The following CCDC138 variants were observed in gnomAD, a reference collection of about 807,000 sequenced individuals.
The protein encoded by CCDC138 is coiled-coil domain containing 138.
In CCDC138, 66 loss-of-function variants were observed where a neutral mutation model predicts 82.3. The ratio of observed to expected loss-of-function variants is 0.80; its 90% CI spans 0.66 to 0.98. CCDC138 has a LOEUF of 0.98. Ranked by LOEUF, CCDC138 falls within the 50% of genes least tolerant of loss-of-function variation. CCDC138 has a pLI of 0.00. For synonymous variants in CCDC138, 297 were observed against 265.4 expected (o/e 1.12, Z -1.16); for missense variants, 816 against 758.9 (o/e 1.08, Z -0.88).
downstream of CCDC138, among the ~76,000 whole-genome samples, chr2:108,878,942 T>C (rs1168682876): frequency 2.6e-5 from 4 of 152,146 alleles, no homozygotes; most frequent in South Asian, 2.1e-4. Context: ...AAATGAAATA[T>C]ATAGATATAG....
chr2:108,832,344 C>CTTT (rs1179620383), intron 10 of CCDC138, among the ~76,000 whole-genome samples: 4 of 122,208 alleles, frequency 3.3e-5, no homozygotes, highest in Non-Finnish European at 5.1e-5. Context: ...GTATTTCTTT[C>CTTT]TTTTTTTTTT....
intron 14 of CCDC138, among the ~76,000 whole-genome samples, chr2:108,874,285 T>C (rs1430554361): frequency 6.6e-6 from 1 of 152,184 alleles, no homozygotes; most frequent in East Asian, 1.9e-4. Flanking sequence ...TTTAGTAAAC[T>C]CTTATGGACT....
intron 3 of CCDC138, 135 bp downstream of exon 3, chr2:108,789,101 G>C: frequency 1.4e-6 from 1 of 697,106 alleles, no homozygotes; most frequent in African/African-American, 1.8e-5. Context: ...TCTGGAGCCT[G>C]CTAAATAGTT....
intron 2 of CCDC138, 37 bp downstream of exon 2, chr2:108,788,126 A>C (rs781488394): frequency 1.7e-5 from 27 of 1,586,792 alleles, no homozygotes; most frequent in East Asian, 2.2e-5. Flanking sequence ...GGTTTCAAAA[A>C]TTTAATTTGA....
intron 12 of CCDC138, among the ~76,000 whole-genome samples, chr2:108,851,281 G>T (rs1003719885): frequency 2.0e-5 from 3 of 151,978 alleles, no homozygotes; most frequent in African/African-American, 7.2e-5. Context: ...CCATTTCTCT[G>T]GGGTGTTTTG....
Position 108,827,651 on chromosome 2 carries a change from C to G in CCDC138, c.1207-11534C>G, listed in dbSNP as rs1407929075. 2.6e-5 allele frequency among the ~76,000 whole-genome samples: 4 copies of G among 151,986 alleles called. No homozygotes were observed. The East Asian group carries it at 7.8e-4, about 29-fold the overall frequency. On this transcript the variant is annotated intron_variant, in intron 10 of 14. Transcript: ENST00000295124. ...CTAACACAGTGAAACCCCGTCTCTA[C>G]TAAAAATACAAAAAATTAGCCAGGC...
intron 11 of CCDC138, among the ~76,000 whole-genome samples, chr2:108,843,515 C>G (rs1689873633): frequency 6.6e-6 from 1 of 152,202 alleles, no homozygotes; most frequent in Admixed American, 6.5e-5. Flanking sequence ...TTTTGATTTC[C>G]TTTCAATTAC....
intron 10 of CCDC138, among the ~76,000 whole-genome samples, chr2:108,816,818 C>G (rs903663841): frequency 2.0e-5 from 3 of 152,180 alleles, no homozygotes; most frequent in African/African-American, 4.8e-5. Flanking sequence ...TGCCTCATCC[C>G]TTTGAGTAGG....
Position 108,794,544 on chromosome 2 carries a change from C to T in CCDC138, c.399C>T (p.Ala133=). ...CAAATGTTATTTTCTTTGCAGTTGC[C>T]TTGCCAACTAATACGACCTCATCGA... ...KQSFKEIEKV[A]LPTNTTSSRP... Residue 133 remains alanine (A), a synonymous_variant, in exon 5 of 15, where the codon GCC becomes GCT. Coordinates refer to ENST00000295124, the MANE Select transcript of CCDC138 (RefSeq NM_144978.3). 6.3e-7 allele frequency: 1 copy of T among 1,593,256 alleles called. No homozygotes were observed. Among genetic ancestry groups the T allele is most frequent in the Non-Finnish European group, 8.5e-7 (1 of 1,169,798 alleles).
intron 8 of CCDC138, 44 bp from the exon 9 acceptor site, chr2:108,812,776 T>A: frequency 3.1e-6 from 5 of 1,611,534 alleles, no homozygotes; most frequent in Non-Finnish European, 4.2e-6. Context: ...GTTTACTCAT[T>A]TAGATACAAT....
At chr2:108,827,387 CAAAAT>C (rs753505945) in intron 10 of CCDC138, among the ~76,000 whole-genome samples, 11 of 152,102 alleles carry the variant, frequency 7.2e-5, no homozygotes, top group Non-Finnish European at 1.6e-4. Context: ...ATGTGCAAAA[CAAAAT>C]GTAGAAAACT....
chr2:108,825,908 T>C (rs1192610025), intron 10 of CCDC138, among the ~76,000 whole-genome samples: 2 of 152,220 alleles, frequency 1.3e-5, no homozygotes, highest in Non-Finnish European at 2.9e-5. Flanking sequence ...TCGATTTCTT[T>C]ATATCATGGT....
chr2:108,851,774 C>T (rs1307567154), intron 12 of CCDC138, among the ~76,000 whole-genome samples: 1 of 152,122 alleles, frequency 6.6e-6, no homozygotes, highest in African/African-American at 2.4e-5. Flanking sequence ...CAGAGACCTT[C>T]CCCTGAGGCC....
intron 3 of CCDC138, among the ~76,000 whole-genome samples, chr2:108,791,293 G>A (rs764401431): frequency 6.6e-5 from 10 of 151,880 alleles, no homozygotes; most frequent in Non-Finnish European, 8.8e-5. Flanking sequence ...CTTTCTACTC[G>A]TTATGTCACC....
chr2:108,871,144 T>TA (rs1334704984), intron 13 of CCDC138, among the ~76,000 whole-genome samples: 1 of 152,042 alleles, frequency 6.6e-6, no homozygotes, highest in Non-Finnish European at 1.5e-5. Context: ...TAGAAGGAAA[T>TA]ACTTTTACAG....
intron 13 of CCDC138, among the ~76,000 whole-genome samples, chr2:108,862,661 T>C (rs909469085): frequency 2.0e-5 from 3 of 152,336 alleles, no homozygotes; most frequent in African/African-American, 4.8e-5. Context: ...ATATTGTACA[T>C]GGTAAAGATA....
rs1263023373 is a variant in CCDC138, at chr2:108,839,208, G to A, written c.1230G>A (p.Gln410=). The change falls in exon 11 of 15, where the codon CAG becomes CAA. Residue 410 remains glutamine, a synonymous_variant. Transcript: ENST00000295124. Reference sequence around the variant, plus strand: ...AGCTTTTGCCTCTAATGACAGAGCAGCTACAGTGGATGCCATTTGTGAATA... The same window carrying A: ...AGCTTTTGCCTCTAATGACAGAGCAACTACAGTGGATGCCATTTGTGAATA... ...CVKLLPLMTE[Q]LQWMPFVNIK... is the part of the protein sequence containing the mutation. 1 of 1,611,336 alleles carries A rather than the reference G, an allele frequency of 6.2e-7. No homozygotes were observed. The highest frequency in any genetic ancestry group is 1.7e-5 in the Admixed American group (1 of 59,832).
intron 3 of CCDC138, chr2:108,791,467 T>G: frequency 1.8e-6 from 1 of 568,294 alleles, no homozygotes; most frequent in East Asian, 3.9e-5. Context: ...CTATTTAATG[T>G]GTAGAAAAAG....
intron 7 of CCDC138, among the ~76,000 whole-genome samples, chr2:108,808,543 T>C (rs1439112408): frequency 6.6e-6 from 1 of 152,202 alleles, no homozygotes; most frequent in Admixed American, 6.5e-5. Context: ...GTCTTTTTCA[T>C]AGCCTTTCTA....
Sources: gnomAD v4.1 joint callset for allele counts (sites outside exome capture counted in the v4.1 genomes callset) on GRCh38, gnomAD v4.1.1 for gene constraint, MANE v1.5 for transcripts, NCBI Gene and HGNC (gene_info 2026-07-23, HGNC 2026-07-21) for gene names.